Variants in KANSL1L observed in about 807,000 individuals in gnomAD.
The protein encoded by KANSL1L is KAT8 regulatory NSL complex subunit 1 like, also known as KAT8 regulatory NSL complex subunit 1-like protein.
KANSL1L carries 25 observed loss-of-function variants against 108.6 expected under a neutral mutation model. The observed-to-expected ratio is 0.23, with a 90% CI of 0.17 to 0.32. KANSL1L has a LOEUF of 0.32. Among genes scored for constraint, KANSL1L ranks in the 10% least tolerant of loss-of-function variants. The pLI is 1.00. For synonymous variants in KANSL1L, 405 were observed against 395.1 expected, an observed-to-expected ratio of 1.03 and a Z score of -0.30; for missense variants, 1,137 against 1,125.7, an observed-to-expected ratio of 1.01 and a Z score of -0.14.
Position 210,022,729 on chromosome 2 carries a change from G to A in KANSL1L, c.*220C>T, listed in dbSNP as rs2093878153. 1.9e-6 allele frequency: 1 copy of A among 513,538 alleles called. No homozygotes were observed. Among genetic ancestry groups the A allele is most frequent in the Non-Finnish European group, 3.5e-6 (1 of 287,328 alleles). 31.8% of individuals were successfully genotyped at this position (513,538 alleles called of 1,614,324 possible). A position where few individuals can be genotyped will look rare whatever the true frequency, so the allele number is the denominator to read the frequency against. ...CTTGGTGTTTGTAAGTAAGTTGCAT[G>A]ATAAACACAAATGACTACCACTTGT... is the stretch of plus-strand genomic sequence containing the variant. On this transcript the variant is annotated 3_prime_UTR_variant, in exon 15 of 15. Coordinates refer to ENST00000281772, the MANE Select transcript of KANSL1L (RefSeq NM_152519.4).
chr2:210,028,999 G>A (rs752927551), intron 10 of KANSL1L, 30 bp from the exon 11 acceptor site: 1 of 1,571,592 alleles, frequency 6.4e-7, no homozygotes, highest in Non-Finnish European at 8.7e-7. Context: ...TAGATTTACA[G>A]TACTGTCTAG....
At chr2:210,085,371 A>G (rs570979694) in intron 5 of KANSL1L, among the ~76,000 whole-genome samples, 1 of 152,262 alleles carries the variant, frequency 6.6e-6, no homozygotes, top group South Asian at 2.1e-4. Flanking sequence ...GGGGGAAAAT[A>G]CCAATTATTA....
intron 6 of KANSL1L, chr2:210,063,823 C>CT (rs1468505107): frequency 1.3e-5 from 2 of 152,110 alleles, no homozygotes; most frequent in African/African-American, 4.8e-5. Context: ...TCGAATGAGA[C>CT]TTTGGACTGT....
intron 4 of KANSL1L, chr2:210,103,896 A>AGC: frequency 3.3e-6 from 1 of 300,528 alleles, no homozygotes; most frequent in Non-Finnish European, 6.0e-6. Flanking sequence ...CCATTACTTT[A>AGC]CATATTATAT....
At chr2:210,093,365 T>TG (rs1460584458) in intron 5 of KANSL1L, among the ~76,000 whole-genome samples, 1 of 152,146 alleles carries the variant, frequency 6.6e-6, no homozygotes, top group East Asian at 1.9e-4. Flanking sequence ...AGGCTGGTCT[T>TG]GAACTCGTGG....
chr2:210,025,048 G>C, intron 13 of KANSL1L, 56 bp downstream of exon 13: 1 of 1,088,906 alleles, frequency 9.2e-7, no homozygotes, highest in Non-Finnish European at 1.4e-6. Context: ...TTCATGCAGA[G>C]GTTTTGTTCA....
chr2:210,145,689 A>AAGATGTC (rs139256775), intron 2 of KANSL1L, among the ~76,000 whole-genome samples: 1 of 152,164 alleles, frequency 6.6e-6, no homozygotes, highest in Non-Finnish European at 1.5e-5. Context: ...GTATATTGTG[A>AAGATGTC]AGATGTCAGA....
chr2:210,129,088 G>T lies in KANSL1L; in HGVS notation c.1173C>A (p.Asp391Glu), dbSNP rs2095095895. The T allele has an allele frequency of 4.3e-6, 7 of 1,613,608 alleles. No homozygotes were observed. The highest frequency in any genetic ancestry group is 5.9e-6 in the Non-Finnish European group (7 of 1,179,716). ...RWTWLQAQISDLECKIQQLTD... is the reference protein window; with the variant it reads ...RWTWLQAQISELECKIQQLTD... ...TTAGTTGTTGGATTTTGCATTCTAG[G>T]TCTGAAATCTGAGCTTGAAGCCAAG... is the stretch of plus-strand genomic sequence containing the variant. Residue 391 changes from aspartate to glutamate, a missense_variant, in exon 3 of 15, where the codon GAC (aspartate) becomes GAA (glutamate). Physicochemically the swap from Asp to Glu is conservative, Grantham distance 45 (BLOSUM62 2). Around this residue, in one of 3 missense-constraint regions of KANSL1L, gnomAD observed 556 missense variants for 537.7 expected, o/e 1.03. Coordinates refer to ENST00000281772, the MANE Select transcript of KANSL1L (RefSeq NM_152519.4).
chr2:210,108,726 A>G (rs1414100013), intron 3 of KANSL1L, among the ~76,000 whole-genome samples: 2 of 152,232 alleles, frequency 1.3e-5, no homozygotes, highest in Non-Finnish European at 2.9e-5. Flanking sequence ...TCCTGTAAAG[A>G]TAACAGTGAA....
intron 8 of KANSL1L, among the ~76,000 whole-genome samples, chr2:210,034,533 G>A (rs1360716421): frequency 6.6e-6 from 1 of 152,138 alleles, no homozygotes; most frequent in African/African-American, 2.4e-5. Context: ...ATTCCTTCTC[G>A]AATGATTTAA....
At position 210,029,892 on chromosome 2, in the gene KANSL1L, C is replaced by T. The variant is rs1167341928; in HGVS notation, c.2182G>A (p.Asp728Asn). The part of the protein sequence containing the change: ...LGERTKLEES[D>N]FQHTESGSHS... ...GATCCTGATTCTGTGTGTTGAAAATCAGATTCTTCAAGTTTAGTTCTTTCT... is the reference window on the plus strand; with the variant it reads ...GATCCTGATTCTGTGTGTTGAAAATTAGATTCTTCAAGTTTAGTTCTTTCT... The change falls in exon 10 of 15, where the codon GAT becomes AAT. Residue 728 changes from aspartate to asparagine, a missense_variant. Transcript: ENST00000281772. The T allele has an allele frequency of 6.2e-7, 1 of 1,601,368 alleles. No individual in the cohort carries two copies. Among genetic ancestry groups the T allele is most frequent in the Non-Finnish European group, 8.5e-7 (1 of 1,170,466 alleles).
chr2:210,057,545 C>CAA (rs2094365647), intron 6 of KANSL1L, among the ~76,000 whole-genome samples: 1 of 151,988 alleles, frequency 6.6e-6, no homozygotes, highest in African/African-American at 2.4e-5. Flanking sequence ...ACTAAAAATA[C>CAA]AAAAAATTAG....
chr2:210,161,983 G>A (rs1420847108), intron 1 of KANSL1L, among the ~76,000 whole-genome samples: 1 of 150,740 alleles, frequency 6.6e-6, no homozygotes, highest in Non-Finnish European at 1.5e-5. Flanking sequence ...CTAGTATTTT[G>A]GGAGGCCAAG....
intron 2 of KANSL1L, among the ~76,000 whole-genome samples, chr2:210,144,174 C>T (rs1354209291): frequency 6.6e-6 from 1 of 152,122 alleles, no homozygotes; most frequent in Non-Finnish European, 1.5e-5. Context: ...TACTAAGTTT[C>T]TGCTTAGAAA....
intron 5 of KANSL1L, chr2:210,088,975 A>G: frequency 6.1e-6 from 1 of 163,526 alleles, no homozygotes; most frequent in Non-Finnish European, 1.3e-5. Context: ...AATGTTACCA[A>G]CAATCAAAGC....
intron 5 of KANSL1L, among the ~76,000 whole-genome samples, chr2:210,091,614 A>G (rs901047005): frequency 6.6e-6 from 1 of 152,118 alleles, no homozygotes. Flanking sequence ...GTACTTTTTT[A>G]CTGAGATCCT....
At chr2:210,120,586 G>A (rs1053136939) in intron 3 of KANSL1L, among the ~76,000 whole-genome samples, 1 of 152,084 alleles carries the variant, frequency 6.6e-6, no homozygotes, top group Non-Finnish European at 1.5e-5. Context: ...ATAGGCACAG[G>A]CAACGATTTC....
chr2:210,039,599 T>C (rs2094142931), intron 8 of KANSL1L, among the ~76,000 whole-genome samples: 1 of 151,890 alleles, frequency 6.6e-6, no homozygotes, highest in African/African-American at 2.4e-5. Flanking sequence ...ATTTTAACTT[T>C]GTAGATAATC....
At chr2:210,107,726 G>T (rs938844553) in intron 3 of KANSL1L, among the ~76,000 whole-genome samples, 9 of 151,666 alleles carry the variant, frequency 5.9e-5, no homozygotes, top group Admixed American at 4.6e-4. Flanking sequence ...GTAGAGATGG[G>T]GTTTCACCGT....
Sources: gnomAD v4.1 joint callset for allele counts (sites outside exome capture counted in the v4.1 genomes callset) on GRCh38, gnomAD v4.1.1 for gene constraint, gnomAD v4.1.1 regional missense constraint, MANE v1.5 for transcripts, NCBI Gene and HGNC (gene_info 2026-07-23, HGNC 2026-07-21) for gene names.